The following COLEC10 variants were observed in gnomAD, a reference collection of about 807,000 sequenced individuals.
The protein encoded by COLEC10 is collectin subfamily member 10.
COLEC10 carries 22 observed loss-of-function variants against 28.4 expected under a neutral mutation model. That is an observed-to-expected ratio of 0.78 (90% CI 0.55 to 1.11). COLEC10 has a LOEUF of 1.11. Among genes scored for constraint, COLEC10 ranks in the 50% least tolerant of loss-of-function variants. COLEC10 has a pLI of 0.00. For synonymous variants in COLEC10, 125 were observed against 116.1 expected, an observed-to-expected ratio of 1.08 and a Z score of -0.49; for missense variants, 361 against 344.1, an observed-to-expected ratio of 1.05 and a Z score of -0.39.
chr8:119,009,140 G>A (rs1386576799), intron 1 of COLEC10, among the ~76,000 whole-genome samples: 1 of 150,900 alleles, frequency 6.6e-6, no homozygotes, highest in Non-Finnish European at 1.5e-5. Context: ...GTGAGGAAAG[G>A]AGGAAGAGAC....
chr8:118,977,207 C>G, the COLEC10 span, among the ~76,000 whole-genome samples: 3 of 143,908 alleles, frequency 2.1e-5, no homozygotes, highest in Middle Eastern at 3.6e-3. Context: ...CCTCAGGGAT[C>G]TAGAACTAGA....
intron 2 of COLEC10, among the ~76,000 whole-genome samples, chr8:119,037,283 A>G (rs1814406975): frequency 6.6e-6 from 1 of 152,240 alleles, no homozygotes; most frequent in Non-Finnish European, 1.5e-5. Context: ...GACCATGTCT[A>G]ACTTATTCAT....
upstream of COLEC10, among the ~76,000 whole-genome samples, chr8:118,994,824 C>CTATT (rs1813563026): frequency 1.3e-5 from 2 of 152,152 alleles, no homozygotes; most frequent in Non-Finnish European, 2.9e-5. Context: ...TAATTATGCA[C>CTATT]ATACACTAGA....
intron 1 of COLEC10, among the ~76,000 whole-genome samples, chr8:119,009,245 T>C (rs2130080672): frequency 6.6e-6 from 1 of 151,142 alleles, no homozygotes; most frequent in East Asian, 1.9e-4. Flanking sequence ...GAATGTGGTG[T>C]GTTTCCACCA....
intron 1 of COLEC10, among the ~76,000 whole-genome samples, chr8:119,088,587 G>A (rs978169414): frequency 4.6e-5 from 7 of 152,170 alleles, no homozygotes; most frequent in Non-Finnish European, 1.0e-4. Context: ...TCTTTAGAAG[G>A]TTTTGATTTT....
chr8:118,963,022 T>C, the COLEC10 span, among the ~76,000 whole-genome samples: 1 of 152,032 alleles, frequency 6.6e-6, no homozygotes, highest in Non-Finnish European at 1.5e-5. Context: ...TAGTGACAAG[T>C]TGAAACTGAG....
the COLEC10 span, among the ~76,000 whole-genome samples, chr8:118,956,497 G>T: frequency 6.6e-6 from 1 of 152,156 alleles, no homozygotes; most frequent in African/African-American, 2.4e-5. Context: ...GGGATCTGTT[G>T]TTCTGATCAG....
At chr8:119,025,973 C>T (rs988738899) in intron 2 of COLEC10, among the ~76,000 whole-genome samples, 4 of 152,120 alleles carry the variant, frequency 2.6e-5, no homozygotes, top group Non-Finnish European at 5.9e-5. Context: ...TCACCAAAGC[C>T]GTTGAACTCT....
the COLEC10 span, chr8:118,976,645 C>G: frequency 6.6e-6 from 1 of 152,194 alleles, no homozygotes; most frequent in Admixed American, 6.6e-5. Flanking sequence ...CCATAAAAAC[C>G]CTAGAAGAAA....
chr8:119,056,137 C>G (rs903838855), intron 2 of COLEC10, among the ~76,000 whole-genome samples: 3 of 152,006 alleles, frequency 2.0e-5, no homozygotes, highest in Non-Finnish European at 4.4e-5. Flanking sequence ...ATCAATAGAT[C>G]TTGTCACTTC....
At chr8:118,960,548 G>C in the COLEC10 span, among the ~76,000 whole-genome samples, 4 of 152,064 alleles carry the variant, frequency 2.6e-5, no homozygotes, top group African/African-American at 9.7e-5. Context: ...ACTTTGGGAG[G>C]CTGAGGCGGG....
rs1409137531 is a variant in COLEC10 at position 119,105,976 on chromosome 8, G to A, written c.619G>A (p.Val207Met). 6.2e-7 allele frequency: 1 copy of A among 1,613,856 alleles called. No homozygotes were observed. Among genetic ancestry groups the A allele is most frequent in the South Asian group, 1.1e-5 (1 of 91,068 alleles). The change falls in exon 6 of 6, where the codon GTG becomes ATG. Residue 207 changes from valine to methionine, a missense_variant. Val to Met is a conservative substitution (Grantham distance 21, BLOSUM62 1). Around this residue, in one of 3 missense-constraint regions of COLEC10, gnomAD observed 335 missense variants for 308.5 expected, o/e 1.09. Coordinates refer to ENST00000332843, the MANE Select transcript of COLEC10 (RefSeq NM_006438.5). The stretch of plus-strand genomic sequence containing the variant: ...TGTTGCCAAGAGTGGCTTCTTTCGG[G>A]TGTTCATTGGCGTGAATGACCTTGA... ...DYVAKSGFFR[V>M]FIGVNDLERE...
intron 1 of COLEC10, among the ~76,000 whole-genome samples, chr8:119,078,393 T>C (rs1317496637): frequency 6.6e-6 from 1 of 152,154 alleles, no homozygotes; most frequent in Non-Finnish European, 1.5e-5. Flanking sequence ...AGAAATCTCT[T>C]AGCAGGGTTG....
chr8:118,973,579 G>A, the COLEC10 span, among the ~76,000 whole-genome samples: 1 of 151,952 alleles, frequency 6.6e-6, no homozygotes, highest in Non-Finnish European at 1.5e-5. Context: ...TAGCAAGACA[G>A]AATTTACAGT....
the COLEC10 span, among the ~76,000 whole-genome samples, chr8:118,968,607 G>GTATGTA: frequency 5.3e-5 from 8 of 151,424 alleles, no homozygotes; most frequent in South Asian, 2.1e-4. Context: ...ATACGTATAT[G>GTATGTA]TATGTATATG....
intron 1 of COLEC10, among the ~76,000 whole-genome samples, chr8:119,002,179 T>G (rs73323434): frequency 0.018 from 2,699 of 152,302 alleles, 37 homozygotes; most frequent in Middle Eastern, 0.024. Context: ...GTGTATACAT[T>G]TGTATACTTT....
chr8:119,050,209 A>C (rs56232778), intron 2 of COLEC10, among the ~76,000 whole-genome samples: 22,778 of 152,120 alleles, frequency 0.15, 2,319 homozygotes, highest in Non-Finnish European at 0.23. Context: ...AAAGCCCTTA[A>C]TTGAAAGGCT....
intron 2 of COLEC10, among the ~76,000 whole-genome samples, chr8:119,034,145 G>T (rs1814344216): frequency 6.6e-6 from 1 of 152,140 alleles, no homozygotes; most frequent in East Asian, 1.9e-4. Context: ...CACAGGAACA[G>T]AAAACCAAAC....
rs770377247 is a variant in COLEC10, at chr8:119,089,740, T to A, written c.209T>A (p.Met70Lys). The A allele has an allele frequency of 1.2e-6, 2 of 1,613,370 alleles. No homozygotes were observed. Among genetic ancestry groups the A allele is most frequent in the Non-Finnish European group, 1.7e-6 (2 of 1,179,442 alleles). ...GGAAAGCATGGCAAAGTGGGACGCA[T>A]GGGGCCGAAAGGTAACTAAAATGAT... Reference protein sequence around the residue: ...EEGKHGKVGRMGPKGIKGELG... With the variant: ...EEGKHGKVGRKGPKGIKGELG... The change falls in exon 2 of 6, where the codon ATG (methionine) becomes AAG (lysine). Residue 70 changes from methionine to lysine, a missense_variant. This residue lies in a region of COLEC10 where 335 missense variants were observed against 308.5 expected (regional missense o/e 1.09). Transcript: ENST00000332843.
Sources: gnomAD v4.1 joint callset for allele counts (sites outside exome capture counted in the v4.1 genomes callset) on GRCh38, gnomAD v4.1.1 for gene constraint, gnomAD v4.1.1 regional missense constraint, MANE v1.5 for transcripts, NCBI Gene and HGNC (gene_info 2026-07-23, HGNC 2026-07-21) for gene names.